MAP2K5: variants seen among roughly 807,000 people sequenced by gnomAD.
The protein encoded by MAP2K5 is mitogen-activated protein kinase kinase 5.
A neutral mutation model predicts 83.1 loss-of-function variants in MAP2K5; 49 were observed. The observed-to-expected ratio is 0.59, with a 90% CI of 0.47 to 0.75. The LOEUF (loss-of-function observed/expected upper bound fraction) is 0.75, where lower values mean the gene tolerates loss of function less well. Ranked by LOEUF, MAP2K5 falls within the 30% of genes least tolerant of loss-of-function variation. The probability of loss-of-function intolerance (pLI) is 0.00; values close to 1 mark genes in which losing one functional copy is unlikely to be tolerated. For synonymous variants in MAP2K5, 202 were observed against 191.8 expected, an observed-to-expected ratio of 1.05 and a Z score of -0.44; for missense variants, 457 against 557.5, an observed-to-expected ratio of 0.82 and a Z score of 1.82.
intron 16 of MAP2K5, among the ~76,000 whole-genome samples, chr15:67,721,539 T>G (rs2088960269): frequency 6.6e-6 from 1 of 152,206 alleles, no homozygotes; most frequent in Non-Finnish European, 1.5e-5. Flanking sequence ...ACTAGAAGTC[T>G]ATGAGGTCTT....
At chr15:67,692,442 G>A (rs1335845225) in intron 13 of MAP2K5, 37 bp from the exon 14 acceptor site, 4 of 1,467,720 alleles carry the variant, frequency 2.7e-6, no homozygotes, top group African/African-American at 1.4e-5. Context: ...GTAGATACAT[G>A]GAATTAGTTA....
chr15:67,718,068 T>A (rs1390254534), intron 16 of MAP2K5: 1 of 152,348 alleles, frequency 6.6e-6, no homozygotes, highest in Admixed American at 6.5e-5. Flanking sequence ...GATGAATGGG[T>A]TAGATTTGGA....
At chr15:67,575,889 CTTCTTTT>C (rs1262626764) in intron 3 of MAP2K5, among the ~76,000 whole-genome samples, 14 of 79,416 alleles carry the variant, frequency 1.8e-4, no homozygotes, top group Non-Finnish European at 3.0e-4. Flanking sequence ...TCTGTTTTCT[CTTCTTTT>C]TTTCTTTCTT....
chr15:67,769,436 T>G lies in MAP2K5; in HGVS notation c.1135-166T>G, dbSNP rs979244129. Among the ~76,000 whole-genome samples the G allele has an allele frequency of 6.6e-6, 1 of 152,242 alleles. No homozygotes were observed. The highest frequency in any genetic ancestry group is 1.5e-5 in the Non-Finnish European group (1 of 68,044). On this transcript the variant is annotated intron_variant, in intron 19 of 21. Coordinates refer to ENST00000178640, the MANE Select transcript of MAP2K5 (RefSeq NM_145160.3). This position sits in a 1 kb window ranked among gnomAD's most constrained non-coding sequence, Gnocchi z 5.2. ...ATGTGTGGCTTTAAATTTGGCATCT[T>G]TACCTAAATGTGTGGAATAAGGTAA...
intron 15 of MAP2K5, 55 bp from the exon 16 acceptor site, chr15:67,703,282 G>A: frequency 7.7e-7 from 1 of 1,300,724 alleles, no homozygotes; most frequent in Non-Finnish European, 1.1e-6. Context: ...TTTGGTGTAT[G>A]TGTTTTCCTG....
chr15:67,795,300 T>C (rs1037396216), intron 21 of MAP2K5, among the ~76,000 whole-genome samples: 1 of 152,240 alleles, frequency 6.6e-6, no homozygotes, highest in Admixed American at 6.5e-5. Context: ...CTTTTTGTTC[T>C]TTTTATAATG....
rs1175411596 is a variant in MAP2K5, at chr15:67,543,133, A to AC, written c.-198dup. The AC allele has an allele frequency of 8.4e-6, 5 of 591,822 alleles. No individual in the cohort carries two copies. The highest frequency in any genetic ancestry group is 8.1e-5 in the South Asian group (4 of 49,580). 36.7% of individuals were successfully genotyped at this position (591,822 alleles called of 1,614,324 possible). A position where few individuals can be genotyped will look rare whatever the true frequency, so the allele number is the denominator to read the frequency against. The stretch of plus-strand genomic sequence containing the variant: ...GCACCCTCCCCGGGAGACACCTCAG[A>AC]CCCCCGACAGCCTGGGCAGGCTCGG... On this transcript the variant is annotated 5_prime_UTR_variant, in exon 1 of 22. Transcript: ENST00000178640. This position sits in a 1 kb window ranked among gnomAD's most constrained non-coding sequence, Gnocchi z 4.3.
chr15:67,664,554 A>G, intron 12 of MAP2K5, 43 bp from the exon 13 acceptor site: 1 of 1,279,334 alleles, frequency 7.8e-7, no homozygotes, highest in South Asian at 1.3e-5. Flanking sequence ...CCTTTTAAAA[A>G]CCATAATTGA....
rs184774148 is a variant in MAP2K5 at position 67,576,257 on chromosome 15, A to T, written c.253-4497A>T. ...TAGAAAATTTGTGCCTCATAAACTT[A>T]AACTGTGCTGTTTTGGAACTCAAGT... On this transcript the variant is annotated intron_variant, in intron 3 of 21. Coordinates refer to ENST00000178640, the MANE Select transcript of MAP2K5 (RefSeq NM_145160.3). 4.1e-5 allele frequency among the ~76,000 whole-genome samples: 6 copies of T among 147,366 alleles called. 2 individuals carry two copies. Among genetic ancestry groups the T allele is most frequent in the Non-Finnish European group, 6.0e-5 (4 of 66,362 alleles).
At position 67,776,655 on chromosome 15, in the gene MAP2K5, T is replaced by C. The variant is rs372973858; in HGVS notation, c.1242+3903T>C. 3.9e-5 allele frequency among the ~76,000 whole-genome samples: 6 copies of C among 152,276 alleles called. No individual in the cohort carries two copies. In the East Asian group the frequency reaches 9.6e-4, roughly 24 times the overall value. Reference sequence around the variant, plus strand: ...GCATTAAGATGGGGGTTCAGGTTGGTTTTGCTATTCAATTTCTGTGTTTAA... The same window carrying C: ...GCATTAAGATGGGGGTTCAGGTTGGCTTTGCTATTCAATTTCTGTGTTTAA... On this transcript the variant is annotated intron_variant, in intron 21 of 21. Coordinates refer to ENST00000178640, the MANE Select transcript of MAP2K5 (RefSeq NM_145160.3).
At chr15:67,582,299 A>T (rs1336949403) in intron 4 of MAP2K5, among the ~76,000 whole-genome samples, 1 of 152,024 alleles carries the variant, frequency 6.6e-6, no homozygotes, top group East Asian at 1.9e-4. Flanking sequence ...TGACCTCATG[A>T]TCCACTCCCC....
At chr15:67,689,258 TA>T (rs2088036486) in intron 13 of MAP2K5, among the ~76,000 whole-genome samples, 2 of 152,168 alleles carry the variant, frequency 1.3e-5, no homozygotes, top group Non-Finnish European at 2.9e-5. Context: ...ATTACATACA[TA>T]AATCATATGC....
chr15:67,731,524 TGAG>T (rs1008180579), intron 17 of MAP2K5, among the ~76,000 whole-genome samples: 4 of 152,122 alleles, frequency 2.6e-5, no homozygotes, highest in African/African-American at 9.7e-5. Context: ...AAAAAAAACA[TGAG>T]GAGCACAGTC....
chr15:67,614,175 T>C (rs934599427), intron 8 of MAP2K5, among the ~76,000 whole-genome samples: 2 of 152,186 alleles, frequency 1.3e-5, no homozygotes, highest in African/African-American at 2.4e-5. Context: ...ATAGGAATCG[T>C]GAAGCATTCA....
chr15:67,565,738 A>T lies in MAP2K5; in HGVS notation c.252+2388A>T, dbSNP rs1240767026. Among the ~76,000 whole-genome samples, 2 of 152,028 alleles carry T rather than the reference A, an allele frequency of 1.3e-5. No individual in the cohort carries two copies. The highest frequency in any genetic ancestry group is 4.8e-5 in the African/African-American group (2 of 41,398). ...AGATTACTTGGGTCCACTTTTTTTT[A>T]TCTGAATAGAAGTCATCTATCTCAT... On this transcript the variant is annotated intron_variant, in intron 3 of 21. Transcript: ENST00000178640. The surrounding 1 kb of genome is among the most constrained non-coding windows in gnomAD (Gnocchi z 4.1).
intron 6 of MAP2K5, among the ~76,000 whole-genome samples, chr15:67,591,530 C>T (rs952253431): frequency 2.7e-4 from 41 of 151,128 alleles, no homozygotes; most frequent in African/African-American, 9.9e-4. Context: ...CCACCACACC[C>T]GGCTAATTTT....
At position 67,770,773 on chromosome 15, in the gene MAP2K5, T is replaced by C. The variant is rs2090126388; in HGVS notation, c.1196+1110T>C. ...ATATTCCTTAATATAAATGTCAAGC[T>C]TTATCACCTTTTTGACTAAGTGTAA... is the stretch of plus-strand genomic sequence containing the variant. On this transcript the variant is annotated intron_variant, in intron 20 of 21. Coordinates refer to ENST00000178640, the MANE Select transcript of MAP2K5 (RefSeq NM_145160.3). The surrounding 1 kb of genome is among the most constrained non-coding windows in gnomAD (Gnocchi z 5.0). Among the ~76,000 whole-genome samples the C allele has an allele frequency of 6.6e-6, 1 of 152,178 alleles. No homozygotes were observed.
At chr15:67,629,656 T>TTC (rs1034514876) in intron 8 of MAP2K5, among the ~76,000 whole-genome samples, 6 of 150,286 alleles carry the variant, frequency 4.0e-5, no homozygotes, top group Non-Finnish European at 8.9e-5. Flanking sequence ...AGGCACTGAC[T>TTC]TCTGTTCCCC....
chr15:67,637,388 C>T lies in MAP2K5; in HGVS notation c.585+6461C>T, dbSNP rs1206937363. On this transcript the variant is annotated intron_variant, in intron 9 of 21. Transcript: ENST00000178640. This position sits in a 1 kb window ranked among gnomAD's most constrained non-coding sequence, Gnocchi z 4.5. ...TTTAAGTTTTATTAGACAGTACCAGCCCAGTGGTTAGTCTAGAACTAATTT... is the reference window on the plus strand; with the variant it reads ...TTTAAGTTTTATTAGACAGTACCAGTCCAGTGGTTAGTCTAGAACTAATTT... Among the ~76,000 whole-genome samples, 3 of 152,144 alleles carry T rather than the reference C, an allele frequency of 2.0e-5. No homozygotes were observed. Among genetic ancestry groups the T allele is most frequent in the Non-Finnish European group, 2.9e-5 (2 of 68,016 alleles).
Sources: gnomAD v4.1 joint callset for allele counts (sites outside exome capture counted in the v4.1 genomes callset) on GRCh38, gnomAD v4.1.1 for gene constraint, Gnocchi (gnomAD v3.1) non-coding constraint, MANE v1.5 for transcripts, NCBI Gene and HGNC (gene_info 2026-07-23, HGNC 2026-07-21) for gene names.